Variants in WWC1 observed in about 807,000 individuals in gnomAD.
WWC1 encodes the protein protein KIBRA.
A neutral mutation model predicts 138.4 loss-of-function variants in WWC1; 55 were observed. The observed-to-expected ratio is 0.40, with a 90% CI of 0.32 to 0.50. The LOEUF (loss-of-function observed/expected upper bound fraction) is 0.50, where lower values mean the gene tolerates loss of function less well. Among genes scored for constraint, WWC1 ranks in the 20% least tolerant of loss-of-function variants. The pLI is 0.72. For synonymous variants in WWC1, 524 were observed against 564.9 expected (o/e 0.93, Z 1.03); for missense variants, 1,226 against 1,420.4 (o/e 0.86, Z 2.20).
chr5:168,309,211 G>T (rs778228593), intron 1 of WWC1, among the ~76,000 whole-genome samples: 15 of 152,142 alleles, frequency 9.9e-5, no homozygotes, highest in Non-Finnish European at 7.4e-5. Flanking sequence ...TTCCCTAGGG[G>T]TGTCCTGTGT....
chr5:168,326,045 TTCTGTTCC>T (rs1294559143), intron 1 of WWC1, among the ~76,000 whole-genome samples: 2 of 152,208 alleles, frequency 1.3e-5, no homozygotes, highest in African/African-American at 4.8e-5. Context: ...CATTTTGCTT[TTCTGTTCC>T]TCTGTCGGTG....
chr5:168,293,939 G>C (rs1377688168), intron 1 of WWC1, among the ~76,000 whole-genome samples: 1 of 152,120 alleles, frequency 6.6e-6, no homozygotes, highest in Non-Finnish European at 1.5e-5. Flanking sequence ...TGCCAGCTCT[G>C]CTACTGTGTT....
At chr5:168,321,049 A>G (rs1772030703) in intron 1 of WWC1, among the ~76,000 whole-genome samples, 1 of 152,126 alleles carries the variant, frequency 6.6e-6, no homozygotes, top group East Asian at 1.9e-4. Flanking sequence ...TACATGGGTT[A>G]CCGTAGGCCG....
At chr5:168,451,763 G>A (rs890594285) in intron 17 of WWC1, among the ~76,000 whole-genome samples, 2 of 152,064 alleles carry the variant, frequency 1.3e-5, no homozygotes, top group Admixed American at 6.6e-5. Context: ...CCAACAAGAT[G>A]CAAGTACACA....
At chr5:168,351,840 G>A (rs1375765549) in intron 1 of WWC1, among the ~76,000 whole-genome samples, 1 of 152,166 alleles carries the variant, frequency 6.6e-6, no homozygotes, top group East Asian at 1.9e-4. Flanking sequence ...GATCCTAATG[G>A]TGGTGTTGAG....
Position 168,440,587 on chromosome 5 carries a change from T to C in WWC1, c.2281-1095T>C, listed in dbSNP as rs1582307086. 2.0e-5 allele frequency among the ~76,000 whole-genome samples: 3 copies of C among 152,270 alleles called. No individual in the cohort carries two copies. In the East Asian group the frequency reaches 5.8e-4, roughly 29 times the overall value. ...GCTGGAGTGCAATGGCACGATCTCA[T>C]CTCACCTGCAACCTCCATCTCCTGA... On this transcript the variant is annotated intron_variant, in intron 15 of 22. Transcript: ENST00000265293.
intron 3 of WWC1, among the ~76,000 whole-genome samples, chr5:168,393,756 C>T (rs1007169188): frequency 2.6e-5 from 4 of 152,142 alleles, no homozygotes; most frequent in Non-Finnish European, 5.9e-5. Context: ...GCAGCTCGCT[C>T]ACACTGAAGC....
intron 2 of WWC1, among the ~76,000 whole-genome samples, chr5:168,383,034 G>T (rs1344179455): frequency 2.0e-5 from 3 of 151,922 alleles, no homozygotes; most frequent in African/African-American, 7.3e-5. Context: ...AAATTAGCTG[G>T]GCGTAGTGGC....
rs372136380 is a variant in WWC1 at position 168,464,712 on chromosome 5, C to T, written c.2917-17C>T. 27 of 1,613,928 alleles carry T rather than the reference C, an allele frequency of 1.7e-5. No individual in the cohort carries two copies. Among genetic ancestry groups the T allele is most frequent in the African/African-American group, 1.5e-4 (11 of 75,042 alleles). ...GCAGAGCTCTAATAACAAGAGAAGCCGTCCCCACCCCCACAGCCTTCCTCG... is the reference window on the plus strand; with the variant it reads ...GCAGAGCTCTAATAACAAGAGAAGCTGTCCCCACCCCCACAGCCTTCCTCG... On this transcript the variant is annotated splice_polypyrimidine_tract_variant and intron_variant, in intron 20 of 22. Transcript: ENST00000265293.
chr5:168,471,725 T>C lies in WWC1; in HGVS notation c.*2708T>C, dbSNP rs192509207. 3 of 152,376 alleles carry C rather than the reference T, an allele frequency of 2.0e-5. No individual in the cohort carries two copies. The East Asian group carries it at 5.8e-4, about 29-fold the overall frequency. 9.4% of individuals were successfully genotyped at this position (152,376 alleles called of 1,614,324 possible). On this transcript the variant is annotated 3_prime_UTR_variant, in exon 23 of 23. Transcript: ENST00000265293. ...TCCACTCAAAGGTTAGAGATGAGATTTTCTCTTCCCAAGGCTACCTCTGGC... is the reference window on the plus strand; with the variant it reads ...TCCACTCAAAGGTTAGAGATGAGATCTTCTCTTCCCAAGGCTACCTCTGGC...
At chr5:168,339,803 TG>T (rs1773816737) in intron 1 of WWC1, among the ~76,000 whole-genome samples, 1 of 127,534 alleles carries the variant, frequency 7.8e-6, no homozygotes, top group African/African-American at 3.3e-5. Flanking sequence ...CCATTCTTTT[TG>T]TTTTTCTTTC....
intron 1 of WWC1, among the ~76,000 whole-genome samples, chr5:168,301,375 C>T (rs901269505): frequency 6.6e-6 from 1 of 152,172 alleles, no homozygotes; most frequent in African/African-American, 2.4e-5. Context: ...GTGGCTGACA[C>T]CTGTAATTCC....
At chr5:168,412,739 AC>A (rs1780325355) in intron 8 of WWC1, among the ~76,000 whole-genome samples, 1 of 151,460 alleles carries the variant, frequency 6.6e-6, no homozygotes, top group Non-Finnish European at 1.5e-5. Context: ...AAATTAAAAA[AC>A]AATACAAATT....
chr5:168,453,855 A>G, intron 17 of WWC1, 113 bp from the exon 18 acceptor site: 1 of 1,524,470 alleles, frequency 6.6e-7, no homozygotes, highest in Non-Finnish European at 8.8e-7. Flanking sequence ...ACTTTTTAAA[A>G]TATATCTTCA....
At position 168,339,288 on chromosome 5, in the gene WWC1, G is replaced by C. The variant is rs150368557; in HGVS notation, c.120-32136G>C. On this transcript the variant is annotated intron_variant, in intron 1 of 22. Transcript: ENST00000265293. ...TAAGACTCTAAGAGCAGAGGGATGA[G>C]GGTGGGGTTCTGGGACCTGGGGAGG... Among the ~76,000 whole-genome samples the C allele has an allele frequency of 3.6e-3, 546 of 152,276 alleles. 8 individuals carry two copies. The highest frequency in any genetic ancestry group is 8.4e-3 in the Admixed American group (128 of 15,298).
intron 17 of WWC1, among the ~76,000 whole-genome samples, chr5:168,448,172 A>G (rs1032278988): frequency 1.1e-4 from 17 of 152,112 alleles, no homozygotes; most frequent in African/African-American, 4.1e-4. Context: ...GGGGCAAACC[A>G]TCTGCGGCCC....
At position 168,397,749 on chromosome 5, in the gene WWC1, C is replaced by T; in HGVS notation, c.459C>T (p.Ser153=). The T allele has an allele frequency of 1.2e-6, 2 of 1,613,984 alleles. No homozygotes were observed. The highest frequency in any genetic ancestry group is 1.7e-6 in the Non-Finnish European group (2 of 1,179,946). ...TGGTCTCTGGTTCATCATCCAGCTCCAAGTATGACCCTGAGATCCTGAAAG... is the reference window on the plus strand; with the variant it reads ...TGGTCTCTGGTTCATCATCCAGCTCTAAGTATGACCCTGAGATCCTGAAAG... ...VSLVSGSSSS[S]KYDPEILKAE... Residue 153 remains serine, a synonymous_variant, in exon 4 of 23, where the codon TCC becomes TCT. Coordinates refer to ENST00000265293, the MANE Select transcript of WWC1 (RefSeq NM_015238.3).
intron 15 of WWC1, among the ~76,000 whole-genome samples, chr5:168,439,762 T>TA (rs1743396254): frequency 6.6e-6 from 1 of 152,212 alleles, no homozygotes; most frequent in African/African-American, 2.4e-5. Context: ...GGAGAATTAT[T>TA]CGGTCGAAGG....
intron 1 of WWC1, among the ~76,000 whole-genome samples, chr5:168,301,853 C>T (rs1224690541): frequency 2.6e-5 from 4 of 152,108 alleles, no homozygotes; most frequent in Non-Finnish European, 4.4e-5. Context: ...GAACTAAAAC[C>T]CCTGTTTCTT....
Sources: allele counts gnomAD v4.1 joint callset (sites outside exome capture counted in the v4.1 genomes callset), GRCh38; gene constraint gnomAD v4.1.1; transcripts MANE v1.5; gene names NCBI Gene and HGNC (gene_info 2026-07-23, HGNC 2026-07-21).